The following NBEA variants were observed in gnomAD, a reference collection of about 807,000 sequenced individuals.
The protein encoded by NBEA is lysosomal-trafficking regulator 2.
A neutral mutation model predicts 343.4 loss-of-function variants in NBEA; 44 were observed. The ratio of observed to expected loss-of-function variants is 0.13; its 90% CI spans 0.10 to 0.16. The LOEUF is 0.16. NBEA is among the 10% of genes least tolerant of loss of function. The pLI is 1.00. For missense variants in NBEA, 2,555 were observed against 3,631.3 expected, an observed-to-expected ratio of 0.70 and a Z score of 7.62; for synonymous variants, 1,175 against 1,238.7, an observed-to-expected ratio of 0.95 and a Z score of 1.08.
intron 38 of NBEA, among the ~76,000 whole-genome samples, chr13:35,412,721 G>A (rs1211305798): frequency 1.3e-5 from 2 of 152,092 alleles, no homozygotes; most frequent in African/African-American, 4.8e-5. Context: ...AGAGAGGCAG[G>A]AAACAGCTAT....
At chr13:35,608,530 T>A (rs2082375768) in intron 48 of NBEA, among the ~76,000 whole-genome samples, 2 of 152,156 alleles carry the variant, frequency 1.3e-5, no homozygotes, top group Non-Finnish European at 2.9e-5. Flanking sequence ...GTCACATCAT[T>A]CCATTGTAGC....
intron 39 of NBEA, among the ~76,000 whole-genome samples, chr13:35,440,277 G>A (rs900692958): frequency 1.1e-4 from 17 of 152,164 alleles, no homozygotes; most frequent in African/African-American, 3.4e-4. Context: ...TATAAACTAG[G>A]TCTAGAAGGA....
At chr13:35,086,821 C>T (rs567062644) in intron 10 of NBEA, among the ~76,000 whole-genome samples, 1 of 151,852 alleles carries the variant, frequency 6.6e-6, no homozygotes, top group East Asian at 1.9e-4. Flanking sequence ...ATTTTTTGTT[C>T]TACTTATAAT....
At chr13:35,116,263 A>G (rs1199708962) in intron 13 of NBEA, among the ~76,000 whole-genome samples, 1 of 152,174 alleles carries the variant, frequency 6.6e-6, no homozygotes, top group Admixed American at 6.5e-5. Flanking sequence ...TTACCAGCAT[A>G]CCAATGGTTG....
chr13:35,037,831 C>T (rs1359383047), intron 1 of NBEA, among the ~76,000 whole-genome samples: 1 of 152,168 alleles, frequency 6.6e-6, no homozygotes, highest in Non-Finnish European at 1.5e-5. Context: ...CAAGGCCTGC[C>T]TTAATCGCTC....
chr13:35,172,591 A>T (rs189942251), intron 26 of NBEA, among the ~76,000 whole-genome samples: 1 of 152,052 alleles, frequency 6.6e-6, no homozygotes, highest in Non-Finnish European at 1.5e-5. Context: ...TAGCACATTT[A>T]GTTGTTTAAT....
rs555968438 is a variant in NBEA at position 35,200,677 on chromosome 13, T to A, written c.5366+4375T>A. Among the ~76,000 whole-genome samples the A allele has an allele frequency of 4.6e-5, 7 of 152,016 alleles. No individual in the cohort carries two copies. The South Asian group carries it at 1.5e-3, about 32-fold the overall frequency. ...ATATATTCAGGGAAACTAGTAGGTA[T>A]TTTTTCCTCAAAATTTTAATATCCT... On this transcript the variant is annotated intron_variant, in intron 31 of 58. Coordinates refer to ENST00000379939, the MANE Select transcript of NBEA (RefSeq NM_001385012.1).
chr13:35,172,284 T>G (rs1161686954), intron 26 of NBEA, among the ~76,000 whole-genome samples: 1 of 152,010 alleles, frequency 6.6e-6, no homozygotes, highest in African/African-American at 2.4e-5. Flanking sequence ...TATTATTTAT[T>G]TAAAGACAGG....
chr13:35,414,346 C>G (rs531973966), intron 38 of NBEA, among the ~76,000 whole-genome samples: 1 of 152,082 alleles, frequency 6.6e-6, no homozygotes, highest in Non-Finnish European at 1.5e-5. Context: ...TCGTCATTTA[C>G]ATTAGGTATA....
At chr13:35,660,512 A>C (rs2085040340) in intron 55 of NBEA, among the ~76,000 whole-genome samples, 1 of 152,186 alleles carries the variant, frequency 6.6e-6, no homozygotes, top group Admixed American at 6.5e-5. Context: ...GGCATTATGC[A>C]GACTGTCAAA....
chr13:35,202,643 ACTT>A (rs1470062233), intron 31 of NBEA, among the ~76,000 whole-genome samples: 1 of 151,968 alleles, frequency 6.6e-6, no homozygotes, highest in African/African-American at 2.4e-5. Flanking sequence ...CTTTGCATTC[ACTT>A]CTTTGGCCAT....
chr13:35,012,960 T>A (rs894412087), intron 1 of NBEA, among the ~76,000 whole-genome samples: 2 of 152,228 alleles, frequency 1.3e-5, no homozygotes, highest in Non-Finnish European at 1.5e-5. Context: ...GGCTCCTGAT[T>A]GTGTACTTTA....
chr13:35,014,130 T>C (rs1257371622), intron 1 of NBEA, among the ~76,000 whole-genome samples: 1 of 145,394 alleles, frequency 6.9e-6, no homozygotes, highest in East Asian at 2.0e-4. Context: ...TCCTTTCCTG[T>C]TATTAGCAAA....
chr13:35,187,758 A>G (rs2152735032), intron 30 of NBEA, among the ~76,000 whole-genome samples: 1 of 152,236 alleles, frequency 6.6e-6, no homozygotes, highest in South Asian at 2.1e-4. Context: ...AGTAGTATTT[A>G]GAGTAACATT....
At chr13:34,976,527 T>C (rs9542852) in intron 1 of NBEA, among the ~76,000 whole-genome samples, 11 of 151,930 alleles carry the variant, frequency 7.2e-5, no homozygotes, top group African/African-American at 2.7e-4. Flanking sequence ...GTAAAGAACT[T>C]ATTTATGTAA....
intron 39 of NBEA, 40 bp downstream of exon 39, chr13:35,432,433 G>A: frequency 6.6e-7 from 1 of 1,519,358 alleles, no homozygotes; most frequent in Non-Finnish European, 8.9e-7. Flanking sequence ...ACTTCTGGAT[G>A]TGAGGTGACT....
At chr13:35,290,900 C>A (rs2035762351) in intron 35 of NBEA, among the ~76,000 whole-genome samples, 1 of 151,554 alleles carries the variant, frequency 6.6e-6, no homozygotes, top group Non-Finnish European at 1.5e-5. Context: ...TAAGACCTTG[C>A]TGCTTTCTCT....
At chr13:35,407,166 T>C (rs1194274502) in intron 38 of NBEA, among the ~76,000 whole-genome samples, 1 of 151,556 alleles carries the variant, frequency 6.6e-6, no homozygotes, top group African/African-American at 2.4e-5. Flanking sequence ...GGTTTCACCA[T>C]GTTGGCCAGG....
At chr13:35,228,930 AACTC>A (rs555414684) in intron 33 of NBEA, among the ~76,000 whole-genome samples, 207 of 152,206 alleles carry the variant, frequency 1.4e-3, no homozygotes, top group African/African-American at 4.8e-3. Flanking sequence ...AAGATTATAA[AACTC>A]ACTCAGACTG....
Sources: gnomAD v4.1 joint callset for allele counts (sites outside exome capture counted in the v4.1 genomes callset) on GRCh38, gnomAD v4.1.1 for gene constraint, MANE v1.5 for transcripts, NCBI Gene and HGNC (gene_info 2026-07-23, HGNC 2026-07-21) for gene names.